Variants in KHDRBS2 observed in about 807,000 individuals in gnomAD.
KHDRBS2 encodes the protein KH domain-containing, RNA-binding, signal transduction-associated protein 2.
Under a neutral mutation model 44.3 loss-of-function variants are expected in KHDRBS2, and 26 were observed. The observed-to-expected ratio is 0.59, with a 90% CI of 0.43 to 0.81. The LOEUF is 0.81. KHDRBS2 is among the 40% of genes least tolerant of loss of function. The pLI is 0.00. For synonymous variants in KHDRBS2, 194 were observed against 151.1 expected (o/e 1.28, Z -2.08); for missense variants, 476 against 433.1 (o/e 1.10, Z -0.88).
At chr6:61,580,754 G>A in the KHDRBS2 span, among the ~76,000 whole-genome samples, 2 of 152,250 alleles carry the variant, frequency 1.3e-5, no homozygotes, top group Non-Finnish European at 2.9e-5. Context: ...CATTCCTGAA[G>A]TCAGCGAGAC....
the KHDRBS2 span, among the ~76,000 whole-genome samples, chr6:61,626,239 T>A: frequency 6.6e-6 from 1 of 152,220 alleles, no homozygotes; most frequent in Non-Finnish European, 1.5e-5. Flanking sequence ...ATTGTGCGAC[T>A]GTTGCAGAAA....
chr6:62,194,266 C>T (rs1257147479), intron 1 of KHDRBS2, among the ~76,000 whole-genome samples: 2 of 151,716 alleles, frequency 1.3e-5, no homozygotes. Context: ...AAGAGTCCAA[C>T]TTCATTTTTT....
At chr6:61,941,703 A>G (rs1177863903) in intron 4 of KHDRBS2, among the ~76,000 whole-genome samples, 1 of 152,136 alleles carries the variant, frequency 6.6e-6, no homozygotes, top group Non-Finnish European at 1.5e-5. Flanking sequence ...CTGCATGGAC[A>G]CAGAATCAAA....
At chr6:62,200,669 C>G (rs1450541422) in intron 1 of KHDRBS2, among the ~76,000 whole-genome samples, 1 of 152,152 alleles carries the variant, frequency 6.6e-6, no homozygotes, top group Non-Finnish European at 1.5e-5. Context: ...TTGTGGAAGT[C>G]AGTGTGGTGA....
intron 1 of KHDRBS2, among the ~76,000 whole-genome samples, chr6:62,191,657 T>C (rs1824644158): frequency 6.6e-6 from 1 of 152,118 alleles, no homozygotes; most frequent in African/African-American, 2.4e-5. Context: ...TGAATAAATC[T>C]TTCTAGAAGA....
intron 2 of KHDRBS2, 53 bp from the exon 3 acceptor site, chr6:62,048,047 T>C: frequency 9.7e-7 from 1 of 1,035,894 alleles, no homozygotes; most frequent in South Asian, 1.3e-5. Context: ...AAAGTGATTA[T>C]TTGCACCAAG....
chr6:61,947,164 C>G (rs1813548518), intron 4 of KHDRBS2, among the ~76,000 whole-genome samples: 1 of 152,168 alleles, frequency 6.6e-6, no homozygotes, highest in African/African-American at 2.4e-5. Context: ...AGCTGACAAT[C>G]ATCCATTTCC....
At chr6:62,243,340 T>C (rs985666130) in intron 1 of KHDRBS2, among the ~76,000 whole-genome samples, 22 of 152,112 alleles carry the variant, frequency 1.4e-4, no homozygotes, top group African/African-American at 5.1e-4. Context: ...ATGGTGCAGT[T>C]ATATGTGCTC....
chr6:61,954,791 TGC>T lies in KHDRBS2; in HGVS notation c.483+23273_483+23274del, dbSNP rs1562512963. ...ATACATACATATGTGTATATACACA[TGC>T]ATATGTATGTATACATACGCATGTG... On this transcript the variant is annotated intron_variant, in intron 4 of 8. Coordinates refer to ENST00000281156, the MANE Select transcript of KHDRBS2 (RefSeq NM_152688.4). 1.1e-4 allele frequency among the ~76,000 whole-genome samples: 12 copies of T among 105,710 alleles called. 1 individual carries two copies. The highest frequency in any genetic ancestry group is 4.0e-4 in the African/African-American group (11 of 27,292). The allele number at this position is 105,710 out of a possible 152,430, so 69.3% of individuals were successfully genotyped here. A position where few individuals can be genotyped will look rare whatever the true frequency, so the allele number is the denominator to read the frequency against.
chr6:62,129,372 GA>G (rs986126456), intron 2 of KHDRBS2, among the ~76,000 whole-genome samples: 3 of 151,916 alleles, frequency 2.0e-5, no homozygotes, highest in Non-Finnish European at 2.9e-5. Flanking sequence ...GTTCCAAGGT[GA>G]AAAAAAGTGC....
chr6:61,979,392 A>C (rs1019454343), intron 3 of KHDRBS2, among the ~76,000 whole-genome samples: 5 of 152,134 alleles, frequency 3.3e-5, no homozygotes, highest in Non-Finnish European at 7.4e-5. Context: ...GGTTTTATGT[A>C]GAGATTAGAG....
intron 5 of KHDRBS2, among the ~76,000 whole-genome samples, chr6:61,895,879 C>G (rs1802849594): frequency 6.6e-6 from 1 of 152,148 alleles, no homozygotes; most frequent in Non-Finnish European, 1.5e-5. Context: ...TCAGATGGCT[C>G]TTTCTTGCTT....
At chr6:61,775,464 G>A (rs1295685599) in intron 6 of KHDRBS2, among the ~76,000 whole-genome samples, 10 of 152,206 alleles carry the variant, frequency 6.6e-5, no homozygotes, top group African/African-American at 1.4e-4. Context: ...AAAAATCAAT[G>A]TACAAAAATC....
intron 6 of KHDRBS2, among the ~76,000 whole-genome samples, chr6:61,759,579 C>T (rs1410461757): frequency 6.6e-6 from 1 of 151,978 alleles, no homozygotes; most frequent in African/African-American, 2.4e-5. Context: ...AGGGGTACCC[C>T]CAAAGTTAAC....
intron 6 of KHDRBS2, among the ~76,000 whole-genome samples, chr6:61,816,036 A>G (rs1788867849): frequency 6.6e-6 from 1 of 152,172 alleles, no homozygotes; most frequent in Non-Finnish European, 1.5e-5. Context: ...TCACTCTACC[A>G]AATCTAAAAG....
chr6:62,254,608 A>T (rs1160265970), intron 1 of KHDRBS2, among the ~76,000 whole-genome samples: 1 of 152,028 alleles, frequency 6.6e-6, no homozygotes, highest in South Asian at 2.1e-4. Flanking sequence ...AATGGCCCTA[A>T]GACAGGAGAA....
At chr6:61,599,689 C>T in the KHDRBS2 span, among the ~76,000 whole-genome samples, 1 of 152,176 alleles carries the variant, frequency 6.6e-6, no homozygotes, top group Non-Finnish European at 1.5e-5. Flanking sequence ...GTTGAGACAA[C>T]AGAAACCTTT....
intron 1 of KHDRBS2, among the ~76,000 whole-genome samples, chr6:62,209,756 A>G (rs1197209657): frequency 6.6e-6 from 1 of 152,148 alleles, no homozygotes; most frequent in Non-Finnish European, 1.5e-5. Context: ...AAGAAGTTGG[A>G]AGAACTAGAC....
In KHDRBS2 at chr6:61,848,501, ATATATATATG is replaced by A. The variant is rs1441056211; in HGVS notation, c.810+46124_810+46133del. Among the ~76,000 whole-genome samples, 20 of 63,788 alleles carry A rather than the reference ATATATATATG, an allele frequency of 3.1e-4. 1 individual carries two copies. Among genetic ancestry groups the A allele is most frequent in the African/African-American group, 1.5e-3 (19 of 12,716 alleles). The allele number at this position is 63,788 out of a possible 152,430, so 41.8% of individuals were successfully genotyped here. ...TATATATATATATATGTATATATAT[ATATATATATG>A]TATATATGTATATATATATACATAT... is the stretch of plus-strand genomic sequence containing the variant. On this transcript the variant is annotated intron_variant, in intron 6 of 8. Transcript: ENST00000281156.
Sources: gnomAD v4.1 joint callset for allele counts (sites outside exome capture counted in the v4.1 genomes callset) on GRCh38, gnomAD v4.1.1 for gene constraint, MANE v1.5 for transcripts, NCBI Gene and HGNC (gene_info 2026-07-23, HGNC 2026-07-21) for gene names.